LRP2: variants seen among roughly 807,000 people sequenced by gnomAD.
LRP2 encodes low-density lipoprotein receptor-related protein 2.
Under a neutral mutation model 531.0 loss-of-function variants are expected in LRP2, and 172 were observed. The ratio of observed to expected loss-of-function variants is 0.32; its 90% CI spans 0.29 to 0.37. The LOEUF (loss-of-function observed/expected upper bound fraction) is 0.37, where lower values mean the gene tolerates loss of function less well. Ranked by LOEUF, LRP2 falls within the 10% of genes least tolerant of loss-of-function variation. LRP2 has a pLI of 1.00. For missense variants in LRP2, 5,167 were observed against 5,868.3 expected (o/e 0.88, Z 3.90); for synonymous variants, 1,992 against 2,027.6 (o/e 0.98, Z 0.47).
At chr2:169,347,319 T>C (rs1217317793) in intron 1 of LRP2, among the ~76,000 whole-genome samples, 1 of 152,228 alleles carries the variant, frequency 6.6e-6, no homozygotes, top group East Asian at 1.9e-4. Flanking sequence ...CCAAGAGACC[T>C]TTAAGCACAT....
chr2:169,139,151 A>G (rs1685626606), intron 74 of LRP2, 100 bp downstream of exon 74: 3 of 1,552,742 alleles, frequency 1.9e-6, no homozygotes, highest in Non-Finnish European at 8.9e-7. Context: ...TGAACTGCGT[A>G]TTGTGCTTTT....
At chr2:169,147,350 A>AG (rs1311167825) in intron 68 of LRP2, among the ~76,000 whole-genome samples, 1 of 152,160 alleles carries the variant, frequency 6.6e-6, no homozygotes, top group African/African-American at 2.4e-5. Flanking sequence ...ATCTTCATGG[A>AG]GCTACTCTGT....
intron 1 of LRP2, among the ~76,000 whole-genome samples, chr2:169,322,466 C>T (rs28490283): frequency 0.038 from 5,754 of 152,090 alleles, 333 homozygotes; most frequent in East Asian, 0.28. Context: ...GTTGGTGGTG[C>T]AGGTCTGGGG....
chr2:169,272,882 T>A, intron 15 of LRP2, 45 bp downstream of exon 15: 2 of 1,612,648 alleles, frequency 1.2e-6, no homozygotes, highest in Non-Finnish European at 8.5e-7. Flanking sequence ...TGGACACACA[T>A]ACACCTGTGT....
chr2:169,189,249 C>G (rs758155003), intron 48 of LRP2, among the ~76,000 whole-genome samples: 1 of 152,166 alleles, frequency 6.6e-6, no homozygotes, highest in African/African-American at 2.4e-5. Context: ...AAGGCAACAA[C>G]GGTGAATGTG....
At chr2:169,295,282 C>T (rs773528526) in intron 4 of LRP2, among the ~76,000 whole-genome samples, 2 of 152,200 alleles carry the variant, frequency 1.3e-5, no homozygotes, top group Admixed American at 6.5e-5. Flanking sequence ...TGCTACTTCC[C>T]TATCTGCACA....
intron 50 of LRP2, among the ~76,000 whole-genome samples, chr2:169,184,015 T>G (rs1231854976): frequency 6.6e-6 from 1 of 152,138 alleles, no homozygotes; most frequent in African/African-American, 2.4e-5. Flanking sequence ...TCACCCAGAC[T>G]TTCTTGCCCA....
At chr2:169,152,654 C>T (rs1686186576) in intron 67 of LRP2, 145 bp downstream of exon 67, 3 of 839,700 alleles carry the variant, frequency 3.6e-6, no homozygotes, top group African/African-American at 1.7e-5. Context: ...GCTGGGGCTT[C>T]AGCAAGCCCA....
intron 35 of LRP2, 23 bp downstream of exon 35, chr2:169,216,230 A>C (rs759608919): frequency 6.2e-7 from 1 of 1,612,666 alleles, no homozygotes; most frequent in Non-Finnish European, 8.5e-7. Context: ...ATAAAGACCA[A>C]AAGACTGAAA....
intron 30 of LRP2, 112 bp from the exon 31 acceptor site, chr2:169,231,954 G>A: frequency 2.3e-6 from 3 of 1,319,582 alleles, no homozygotes; most frequent in African/African-American, 1.5e-5. Flanking sequence ...GGGGGCTTAA[G>A]TACGTTGTTA....
At chr2:169,200,041 G>A (rs1688144083) in intron 44 of LRP2, among the ~76,000 whole-genome samples, 2 of 152,130 alleles carry the variant, frequency 1.3e-5, no homozygotes, top group South Asian at 2.1e-4. Context: ...ATGAGGTCAG[G>A]AGATCGAGAC....
chr2:169,212,739 G>A (rs1574139295), intron 36 of LRP2, among the ~76,000 whole-genome samples: 1 of 143,570 alleles, frequency 7.0e-6, no homozygotes, highest in Admixed American at 6.9e-5. Flanking sequence ...AAAGGCCTAA[G>A]AATGATACAA....
At position 169,186,017 on chromosome 2, in the gene LRP2, T is replaced by C. The variant is rs1687625075; in HGVS notation, c.9331A>G (p.Ile3111Val). 6.2e-7 allele frequency: 1 copy of C among 1,613,206 alleles called. No individual in the cohort carries two copies. Among genetic ancestry groups the C allele is most frequent in the Non-Finnish European group, 8.5e-7 (1 of 1,179,878 alleles). ...LDNSDEKGCG[I>V]NECHDPSISG... ...ATTGAAGGGTCATGGCATTCATTAA[T>C]GCCTGTAGGTAAAAAGCAGTTCTTA... The change falls in exon 50 of 79, where the codon ATT (isoleucine) becomes GTT (valine). Residue 3111 changes from isoleucine to valine, a missense_variant and splice_region_variant. Coordinates refer to ENST00000649046, the MANE Select transcript of LRP2 (RefSeq NM_004525.3).
chr2:169,323,844 C>A (rs1312798912), intron 1 of LRP2, among the ~76,000 whole-genome samples: 1 of 65,794 alleles, frequency 1.5e-5, no homozygotes, highest in Non-Finnish European at 3.0e-5. Context: ...GGTTTGGGGG[C>A]TGCCTGATTA....
chr2:169,245,499 C>T (rs532698395), intron 21 of LRP2, among the ~76,000 whole-genome samples: 1 of 152,290 alleles, frequency 6.6e-6, no homozygotes, highest in Admixed American at 6.5e-5. Flanking sequence ...GAGCACTTTA[C>T]TCTTGCAAAT....
At position 169,157,496 on chromosome 2, in the gene LRP2, C is replaced by T; in HGVS notation, c.11894G>A (p.Gly3965Glu). The T allele has an allele frequency of 2.5e-6, 4 of 1,612,688 alleles. No individual in the cohort carries two copies. Among genetic ancestry groups the T allele is most frequent in the Non-Finnish European group, 3.4e-6 (4 of 1,179,308 alleles). Residue 3965 changes from glycine to glutamate, a missense_variant, in exon 64 of 79, where the codon GGA becomes GAA. Physicochemically the swap from Gly to Glu is moderately conservative, Grantham distance 98. This residue lies in a region of LRP2 where 564 missense variants were observed against 747.7 expected (regional missense o/e 0.75). Coordinates refer to ENST00000649046, the MANE Select transcript of LRP2 (RefSeq NM_004525.3). ...DWSDELGCNK[G>E]KERTCAENIC... is the part of the protein sequence containing the mutation. ...ATTTTCAGCACATGTTCTTTCTTTT[C>T]CTTTATCTGAAAAACAAAATCCCAG... is the stretch of plus-strand genomic sequence containing the variant.
At chr2:169,360,588 C>T (rs1686121994) in intron 1 of LRP2, among the ~76,000 whole-genome samples, 1 of 152,084 alleles carries the variant, frequency 6.6e-6, no homozygotes, top group South Asian at 2.1e-4. Context: ...TTTCCTTTTG[C>T]CAGGCACTGA....
intron 17 of LRP2, among the ~76,000 whole-genome samples, chr2:169,257,576 G>A (rs183927385): frequency 1.1e-4 from 16 of 152,004 alleles, no homozygotes; most frequent in Admixed American, 5.9e-4. Context: ...AATATTCCAC[G>A]TTATTAAAAT....
chr2:169,136,308 C>T (rs1685506509), intron 76 of LRP2, among the ~76,000 whole-genome samples: 2 of 151,752 alleles, frequency 1.3e-5, no homozygotes, highest in South Asian at 4.2e-4. Flanking sequence ...TCTCTCCATG[C>T]CACCCCCCCA....
Sources: allele counts gnomAD v4.1 joint callset (sites outside exome capture counted in the v4.1 genomes callset), GRCh38; gene constraint gnomAD v4.1.1; regional missense constraint gnomAD v4.1.1; transcripts MANE v1.5; gene names NCBI Gene and HGNC (gene_info 2026-07-23, HGNC 2026-07-21).